ZNF577: variants seen among roughly 807,000 people sequenced by gnomAD.
ZNF577 encodes the protein zinc finger protein 577.
A neutral mutation model predicts 13.9 loss-of-function variants in ZNF577; 14 were observed. The ratio of observed to expected loss-of-function variants is 1.00; its 90% CI spans 0.66 to 1.57. ZNF577 has a LOEUF of 1.57. Among genes scored for constraint, ZNF577 ranks in the 40% most tolerant of loss-of-function variants. The pLI, the probability that ZNF577 is intolerant of heterozygous loss-of-function variation, is 0.00. For synonymous variants in ZNF577, 203 were observed against 202.9 expected (o/e 1.00, Z 0.00); for missense variants, 555 against 579.2 (o/e 0.96, Z 0.43).
chr19:51,855,405 G>A (rs1313638621), intron 5 of ZNF577, among the ~76,000 whole-genome samples: 1 of 141,660 alleles, frequency 7.1e-6, no homozygotes, highest in Non-Finnish European at 1.5e-5. Context: ...GTGTGTGTGT[G>A]TGTCTACTTC....
rs1462327827 is a variant in ZNF577, at chr19:51,871,047, A to G, written c.*1485T>C. Among the ~76,000 whole-genome samples the G allele has an allele frequency of 1.3e-5, 2 of 152,178 alleles. No homozygotes were observed. Among genetic ancestry groups the G allele is most frequent in the Admixed American group, 6.5e-5 (1 of 15,272 alleles). ...GGGTTGGCTATGAAAAAGTTAGTCA[A>G]TATCCAGGTGCATTATGTCATATGC... On this transcript the variant is annotated 3_prime_UTR_variant, in exon 6 of 6. Transcript: ENST00000638348.
chr19:51,847,323 CCTT>C (rs1419553354), intron 5 of ZNF577, among the ~76,000 whole-genome samples: 4 of 152,176 alleles, frequency 2.6e-5, no homozygotes, highest in African/African-American at 9.7e-5. Context: ...GCTGAGGCCT[CCTT>C]ATGTTCCAGC....
chr19:51,836,581 C>A (rs1054494884), intron 9 of ZNF577, among the ~76,000 whole-genome samples: 1 of 152,016 alleles, frequency 6.6e-6, no homozygotes. Context: ...TGTTTCCACA[C>A]GAACATTTTC....
At chr19:51,859,972 T>C (rs2084479417) in intron 5 of ZNF577, among the ~76,000 whole-genome samples, 1 of 152,142 alleles carries the variant, frequency 6.6e-6, no homozygotes, top group Non-Finnish European at 1.5e-5. Flanking sequence ...TATATTCTTA[T>C]TTTTCATATA....
rs1215367237 is a variant in ZNF577, at chr19:51,824,014, A to G, written c.*600-12340T>C. The G allele has an allele frequency of 1.2e-6, 2 of 1,614,072 alleles. No individual in the cohort carries two copies. The highest frequency in any genetic ancestry group is 2.2e-5 in the South Asian group (2 of 91,072). On this transcript the variant is annotated intron_variant and NMD_transcript_variant, in intron 9 of 10. Transcript: ENST00000638827. The surrounding 1 kb of genome is among the most constrained non-coding windows in gnomAD (Gnocchi z 4.7). ...CGAATGGTCTCAGTCGCCATGAGAG[A>G]AAAATGGCCTTTTGGCTCATTCCTA... is the stretch of plus-strand genomic sequence containing the variant.
At chr19:51,836,494 C>T (rs10422606) in intron 9 of ZNF577, among the ~76,000 whole-genome samples, 58,476 of 151,664 alleles carry the variant, frequency 0.39, 11,426 homozygotes, top group South Asian at 0.49. Flanking sequence ...ACCTGTTGGC[C>T]ATTTCTATGT....
In ZNF577 at chr19:51,880,724, A is replaced by C. The variant is rs978834273; in HGVS notation, c.-65T>G. 3.5e-6 allele frequency: 1 copy of C among 288,412 alleles called. No individual in the cohort carries two copies. The highest frequency in any genetic ancestry group is 2.2e-5 in the African/African-American group (1 of 45,348). 17.9% of individuals were successfully genotyped at this position (288,412 alleles called of 1,614,324 possible). On this transcript the variant is annotated 5_prime_UTR_variant, in exon 2 of 6. Coordinates refer to ENST00000638348, the MANE Select transcript of ZNF577 (RefSeq NM_001370449.1). ...TCAACTCTTAGGGGCTAGCAACTCT[A>C]GTATGTTCTCTCTCTTCTGTCTATT...
chr19:51,804,642 C>A (rs150303405), downstream of ZNF577, among the ~76,000 whole-genome samples: 1,229 of 152,140 alleles, frequency 8.1e-3, 4 homozygotes, highest in South Asian at 0.012. Flanking sequence ...CTCAAATTGA[C>A]AAAAATTTAT....
intron 9 of ZNF577, chr19:51,826,266 C>T (rs1018495896): frequency 6.6e-6 from 1 of 152,134 alleles, no homozygotes; most frequent in African/African-American, 2.4e-5. Context: ...AGAGATGGCT[C>T]TGTTATTTCA....
chr19:51,811,205 T>G (rs1432422998), intron 10 of ZNF577, among the ~76,000 whole-genome samples: 1 of 152,180 alleles, frequency 6.6e-6, no homozygotes, highest in Admixed American at 6.5e-5. Context: ...GATGAGCCCA[T>G]TTTAATCCTT....
chr19:51,831,472 C>T (rs747871294), intron 9 of ZNF577, among the ~76,000 whole-genome samples: 3 of 152,100 alleles, frequency 2.0e-5, no homozygotes, highest in Non-Finnish European at 1.5e-5. Context: ...ATGTCAAAAA[C>T]GTGGACCAAA....
At chr19:51,849,970 T>A (rs1469508656) in intron 5 of ZNF577, among the ~76,000 whole-genome samples, 1 of 152,352 alleles carries the variant, frequency 6.6e-6, no homozygotes, top group East Asian at 1.9e-4. Context: ...CAAAATGTTA[T>A]GTGCTGTATC....
intron 5 of ZNF577, among the ~76,000 whole-genome samples, chr19:51,858,157 A>G (rs988290621): frequency 6.6e-6 from 1 of 152,146 alleles, no homozygotes; most frequent in Non-Finnish European, 1.5e-5. Context: ...GAATTATACA[A>G]AGCAATTGCA....
intron 9 of ZNF577, chr19:51,823,916 A>G (rs2084210245): frequency 6.2e-7 from 1 of 1,614,080 alleles, no homozygotes; most frequent in Non-Finnish European, 8.5e-7. Context: ...TCCGGATGAC[A>G]CGCACAGTCA....
chr19:51,853,835 G>C (rs1045912521), intron 5 of ZNF577, among the ~76,000 whole-genome samples: 8 of 152,130 alleles, frequency 5.3e-5, no homozygotes, highest in African/African-American at 1.9e-4. Flanking sequence ...GTTGTGCTTT[G>C]TAGGACAATA....
chr19:51,880,982 T>C (rs2084853238), intron 1 of ZNF577, 105 bp from the exon 2 acceptor site: 1 of 152,820 alleles, frequency 6.5e-6, no homozygotes, highest in Non-Finnish European at 1.5e-5. Context: ...CAATATTTCA[T>C]CTGTCTCCTT....
intron 9 of ZNF577, among the ~76,000 whole-genome samples, chr19:51,815,876 AAAGAAAAAAGAAAAAGAAG>A (rs374967755): frequency 0.025 from 3,854 of 151,622 alleles, 166 homozygotes; most frequent in African/African-American, 0.088. Flanking sequence ...AAAAAAGAAA[AAAGAAAAAAGAAAAAGAAG>A]AAGAAAAAGA....
chr19:51,847,002 T>G (rs964536758), intron 5 of ZNF577, among the ~76,000 whole-genome samples: 1 of 152,204 alleles, frequency 6.6e-6, no homozygotes, highest in Non-Finnish European at 1.5e-5. Flanking sequence ...GCAAGGTAGA[T>G]ATTTTCAATT....
At chr19:51,855,708 G>A (rs2084411434) in intron 5 of ZNF577, 1 of 152,168 alleles carries the variant, frequency 6.6e-6, no homozygotes, top group Non-Finnish European at 1.5e-5. Flanking sequence ...GAAGCTGATC[G>A]TTTTTGACCA....
Sources: allele counts gnomAD v4.1 joint callset (sites outside exome capture counted in the v4.1 genomes callset), GRCh38; gene constraint gnomAD v4.1.1; non-coding constraint Gnocchi (gnomAD v3.1); transcripts MANE v1.5; gene names NCBI Gene and HGNC (gene_info 2026-07-23, HGNC 2026-07-21).